Variants in SMPD1 observed in about 807,000 individuals in gnomAD.
The protein encoded by SMPD1 is sphingomyelin phosphodiesterase 1.
SMPD1 carries 47 observed loss-of-function variants against 49.7 expected under a neutral mutation model. The observed-to-expected ratio is 0.95, with a 90% CI of 0.75 to 1.21. The LOEUF (loss-of-function observed/expected upper bound fraction) is 1.21. Ranked by LOEUF, SMPD1 falls within the 50% of genes most tolerant of loss-of-function variation. SMPD1 has a pLI of 0.00. For missense variants in SMPD1, 811 were observed against 822.2 expected, an observed-to-expected ratio of 0.99 and a Z score of 0.17; for synonymous variants, 336 against 339.6, an observed-to-expected ratio of 0.99 and a Z score of 0.12.
intron 2 of SMPD1, 58 bp downstream of exon 2, chr11:6,392,214 G>A (rs1847958139): frequency 1.2e-6 from 2 of 1,600,430 alleles, no homozygotes; most frequent in East Asian, 4.5e-5. Flanking sequence ...AAAGTGAAGG[G>A]AGAAGGGAAC....
chr11:6,394,595 A>C lies in SMPD1; in HGVS notation c.1884A>C (p.Pro628=). Residue 628 remains proline (P), a synonymous_variant, in exon 6 of 6, where the codon CCA becomes CCC. Transcript: ENST00000342245. ...LPEAQSLWPR[P]LFC ...AGGCCCAGAGCCTGTGGCCAAGGCC[A>C]CTGTTTTGCTAGGGCCCCAGGGCCC... is the stretch of plus-strand genomic sequence containing the variant. 6.2e-7 allele frequency: 1 copy of C among 1,602,564 alleles called. No individual in the cohort carries two copies. Among genetic ancestry groups the C allele is most frequent in the Non-Finnish European group, 8.5e-7 (1 of 1,179,876 alleles).
chr11:6,393,575 C>T (rs1848038449), intron 3 of SMPD1, 42 bp from the exon 4 acceptor site: 2 of 1,508,918 alleles, frequency 1.3e-6, no homozygotes, highest in African/African-American at 2.7e-5. Context: ...GCTGCCTGGA[C>T]CCCTGGATGC....
At position 6,391,527 on chromosome 11, in the gene SMPD1, C is replaced by T. The variant is rs763771413; in HGVS notation, c.462C>T (p.Ser154=). ...AGGTGTGGAGACGCTCAGTGCTGAG[C>T]CCATCTGAGGCCTGTGGCCTGCTCC... The part of the protein sequence containing the change: ...MVEVWRRSVL[S]PSEACGLLLG... The change falls in exon 2 of 6, where the codon AGC becomes AGT. Residue 154 remains serine, a synonymous_variant. Coordinates refer to ENST00000342245, the MANE Select transcript of SMPD1 (RefSeq NM_000543.5). 1.2e-6 allele frequency: 2 copies of T among 1,613,974 alleles called. No homozygotes were observed. Among genetic ancestry groups the T allele is most frequent in the Non-Finnish European group, 8.5e-7 (1 of 1,179,988 alleles).
chr11:6,393,736 CTGA>C, intron 4 of SMPD1, 43 bp downstream of exon 4: 1 of 1,577,620 alleles, frequency 6.3e-7, no homozygotes, highest in Non-Finnish European at 8.7e-7. Flanking sequence ...GGGTGAGTGT[CTGA>C]AGGCTGAAAA....
In SMPD1 at chr11:6,390,821, C is replaced by T. The variant is rs753287070; in HGVS notation, c.223C>T (p.Arg75Cys). 3 of 1,614,160 alleles carry T rather than the reference C, an allele frequency of 1.9e-6. No individual in the cohort carries two copies. The highest frequency in any genetic ancestry group is 2.5e-6 in the Non-Finnish European group (3 of 1,180,032). The change falls in exon 1 of 6, where the codon CGC (arginine) becomes TGC (cysteine). Residue 75 changes from arginine (R) to cysteine (C), a missense_variant. By Grantham distance (180) the Arg-to-Cys change is radical. Transcript: ENST00000342245. ...CCAAGGCCATCCTGCCAGGTTACAT[C>T]GCATAGTGCCCCGGCTCCGAGATGT... is the stretch of plus-strand genomic sequence containing the variant. ...SPQGHPARLH[R>C]IVPRLRDVFG...
At chr11:6,393,488 C>A in intron 3 of SMPD1, 101 bp downstream of exon 3, 2 of 1,433,968 alleles carry the variant, frequency 1.4e-6, no homozygotes, top group Middle Eastern at 2.1e-4. Context: ...CCTGGCATTC[C>A]CAACAAGTGT....
rs1291242317 is a variant in SMPD1, at chr11:6,394,720, G to A, written c.*113G>A. ...ATCCGGTGAAAGAACCAGTCCCTGG[G>A]CCCCAAGGATGCCGGGGAAACAGGA... On this transcript the variant is annotated 3_prime_UTR_variant, in exon 6 of 6. Coordinates refer to ENST00000342245, the MANE Select transcript of SMPD1 (RefSeq NM_000543.5). 19 of 908,364 alleles carry A rather than the reference G, an allele frequency of 2.1e-5. No individual in the cohort carries two copies. Among genetic ancestry groups the A allele is most frequent in the Non-Finnish European group, 3.3e-5 (19 of 582,762 alleles). 56.3% of individuals were successfully genotyped at this position (908,364 alleles called of 1,614,324 possible). A position where few individuals can be genotyped will look rare whatever the true frequency, so the allele number is the denominator to read the frequency against.
chr11:6,393,574 A>G lies in SMPD1; in HGVS notation c.1264-43A>G, dbSNP rs770788752. On this transcript the variant is annotated intron_variant, in intron 3 of 5. Transcript: ENST00000342245. ...CCTTTCTCTAGCCAGGGCTGCCTGG[A>G]CCCCTGGATGCCCTGATTACCATCC... is the stretch of plus-strand genomic sequence containing the variant. The G allele has an allele frequency of 2.6e-6, 4 of 1,521,272 alleles. No individual in the cohort carries two copies. The South Asian group carries it at 4.5e-5, about 17-fold the overall frequency. 94.2% of individuals were successfully genotyped at this position (1,521,272 alleles called of 1,614,324 possible).
In SMPD1 at chr11:6,393,644, G is replaced by A. The variant is rs1848042552; in HGVS notation, c.1291G>A (p.Gly431Arg). The A allele has an allele frequency of 1.2e-6, 2 of 1,613,970 alleles. No individual in the cohort carries two copies. The highest frequency in any genetic ancestry group is 1.7e-6 in the Non-Finnish European group (2 of 1,179,892). Residue 431 changes from glycine (G) to arginine (R), a missense_variant, in exon 4 of 6, where the codon GGG becomes AGG. Transcript: ENST00000342245. ...GCATATAATTGGCCACATTCCCCCAGGGCACTGTCTGAAGAGCTGGAGCTG... is the reference window on the plus strand; with the variant it reads ...GCATATAATTGGCCACATTCCCCCAAGGCACTGTCTGAAGAGCTGGAGCTG... ...KVHIIGHIPP[G>R]HCLKSWSWNY...
In SMPD1 at chr11:6,390,526, C is replaced by A. The variant is rs1564921170; in HGVS notation, c.-73C>A. ...CGGGTGTCCCCGGCGCCGCCCGGGG[C>A]CCTGAGGGCTGGCTAGGGTCCAGGC... On this transcript the variant is annotated 5_prime_UTR_variant, in exon 1 of 6. Coordinates refer to ENST00000342245, the MANE Select transcript of SMPD1 (RefSeq NM_000543.5). The A allele has an allele frequency of 1.9e-6, 3 of 1,567,128 alleles. No individual in the cohort carries two copies. The South Asian group carries it at 3.5e-5, about 18-fold the overall frequency.
chr11:6,391,639 A>ACCCCCCCCCCCCCCCCC lies in SMPD1; in HGVS notation c.574_575insCCCCCCCCCCCCCCCCC (p.Ser192ThrfsTer71). ...GCCGAAGCCGCCCCCCAAACCCCCT[A>ACCCCCCCCCCCCCCCCC]GCCCCCCAGCCCCAGGTGCCCCTGT... On this transcript the variant is annotated frameshift_variant, in exon 2 of 6. Transcript: ENST00000342245. LOFTEE classifies it high-confidence loss of function. 1.1e-6 allele frequency: 1 copy of ACCCCCCCCCCCCCCCCC among 894,318 alleles called. No homozygotes were observed. Among genetic ancestry groups the ACCCCCCCCCCCCCCCCC allele is most frequent in the Non-Finnish European group, 1.5e-6 (1 of 674,590 alleles). 55.4% of individuals were successfully genotyped at this position (894,318 alleles called of 1,614,324 possible).
chr11:6,391,348 C>T, intron 1 of SMPD1, 36 bp from the exon 2 acceptor site: 1 of 1,608,928 alleles, frequency 6.2e-7, no homozygotes, highest in Non-Finnish European at 8.5e-7. Context: ...CTCTGCTCTG[C>T]CTCTGATTTC....
chr11:6,391,271 G>C, intron 1 of SMPD1, 113 bp from the exon 2 acceptor site: 3 of 1,053,360 alleles, frequency 2.8e-6, no homozygotes. Context: ...TTGGTGCACT[G>C]AGTCCTGCCC....
At chr11:6,391,044 C>A in intron 1 of SMPD1, 128 bp downstream of exon 1, 1 of 1,237,744 alleles carries the variant, frequency 8.1e-7, no homozygotes, top group Non-Finnish European at 1.1e-6. Context: ...CAATCCATCA[C>A]TGAGTTTGCT....
At position 6,394,946 on chromosome 11, in the gene SMPD1, C is replaced by T. The variant is rs1173566550; in HGVS notation, c.*339C>T. On this transcript the variant is annotated 3_prime_UTR_variant, in exon 6 of 6. Coordinates refer to ENST00000342245, the MANE Select transcript of SMPD1 (RefSeq NM_000543.5). ...AGCCAGGAACCCTGTACTGCTGCTG[C>T]GACCTGATGCTGCCAGTCTGTTAAA... 4 of 364,874 alleles carry T rather than the reference C, an allele frequency of 1.1e-5. No individual in the cohort carries two copies. The highest frequency in any genetic ancestry group is 2.1e-5 in the African/African-American group (1 of 48,176). 22.6% of individuals were successfully genotyped at this position (364,874 alleles called of 1,614,324 possible).
chr11:6,393,691 C>A lies in SMPD1; in HGVS notation c.1338C>A (p.Ala446=). ...SWSWNYYRIV[A]RYENTLAAQF... ...GCTGGAATTATTACCGAATTGTAGC[C>A]AGGTAGGACGGAGATGAGGGTGGGA... The change falls in exon 4 of 6, where the codon GCC becomes GCA. Residue 446 remains alanine (A), a splice_region_variant and synonymous_variant. Transcript: ENST00000342245. The A allele has an allele frequency of 6.2e-7, 1 of 1,613,464 alleles. No homozygotes were observed. Among genetic ancestry groups the A allele is most frequent in the African/African-American group, 1.3e-5 (1 of 75,018 alleles).
chr11:6,394,170 C>G (rs372846248), intron 5 of SMPD1, 28 bp from the exon 6 acceptor site: 3 of 1,613,970 alleles, frequency 1.9e-6, no homozygotes, highest in Non-Finnish European at 2.5e-6. Flanking sequence ...TGCTCCTTGC[C>G]CCTCCAGTCA....
chr11:6,390,992 G>T (rs375321941), intron 1 of SMPD1, 76 bp downstream of exon 1: 3 of 1,559,618 alleles, frequency 1.9e-6, no homozygotes, highest in East Asian at 4.6e-5. Flanking sequence ...ATGCTGGTGC[G>T]CTGGGCTCAG....
In SMPD1 at chr11:6,394,292, C is replaced by T. The variant is rs1388443517; in HGVS notation, c.1581C>T (p.Asn527=). The T allele has an allele frequency of 1.9e-6, 3 of 1,614,252 alleles. No individual in the cohort carries two copies. The highest frequency in any genetic ancestry group is 2.5e-6 in the Non-Finnish European group (3 of 1,180,034). Residue 527 remains asparagine, a synonymous_variant, in exon 6 of 6, where the codon AAC becomes AAT. Transcript: ENST00000342245. The part of the protein sequence containing the change: ...ETYILNLTQA[N]IPGAIPHWQL... ...ACATCCTGAATCTGACCCAGGCAAACATACCGGGAGCCATACCGCACTGGC... is the reference window on the plus strand; with the variant it reads ...ACATCCTGAATCTGACCCAGGCAAATATACCGGGAGCCATACCGCACTGGC...
Sources: gnomAD v4.1 joint callset for allele counts on GRCh38, gnomAD v4.1.1 for gene constraint, MANE v1.5 for transcripts, NCBI Gene and HGNC (gene_info 2026-07-23, HGNC 2026-07-21) for gene names.